EPC2: variants seen among roughly 807,000 people sequenced by gnomAD.
EPC2 encodes enhancer of polycomb homolog 2.
In EPC2, 14 loss-of-function variants were observed where a neutral mutation model predicts 92.1. The ratio of observed to expected loss-of-function variants is 0.15; its 90% CI spans 0.10 to 0.24. The LOEUF (loss-of-function observed/expected upper bound fraction) is 0.24, where lower values mean the gene tolerates loss of function less well. EPC2 is among the 10% of genes least tolerant of loss of function. The pLI, the probability that EPC2 is intolerant of heterozygous loss-of-function variation, is 1.00. For synonymous variants in EPC2, 340 were observed against 334.7 expected (o/e 1.02, Z -0.17); for missense variants, 755 against 971.5 (o/e 0.78, Z 2.96).
chr2:148,727,625 AG>A (rs1248947140), intron 2 of EPC2, among the ~76,000 whole-genome samples: 3 of 152,166 alleles, frequency 2.0e-5, no homozygotes, highest in Non-Finnish European at 4.4e-5. Flanking sequence ...GGTTAAGCTA[AG>A]GTATTGCCTG....
At position 148,743,213 on chromosome 2, in the gene EPC2, A is replaced by G. The variant is rs148317949; in HGVS notation, c.314-409A>G. On this transcript the variant is annotated intron_variant, in intron 2 of 13. Coordinates refer to ENST00000258484, the MANE Select transcript of EPC2 (RefSeq NM_015630.4). ...GTTATGCCAACACTCTTTTTTTTTC[A>G]TTAGATACCTGTTTTATCCTCAGTA... 7.2e-3 allele frequency among the ~76,000 whole-genome samples: 1,089 copies of G among 151,516 alleles called. 6 individuals carry two copies. The highest frequency in any genetic ancestry group is 0.025 in the African/African-American group (1,023 of 41,312).
chr2:148,710,304 A>G (rs945711332), intron 2 of EPC2, among the ~76,000 whole-genome samples: 1 of 152,258 alleles, frequency 6.6e-6, no homozygotes, highest in Non-Finnish European at 1.5e-5. Flanking sequence ...ATGAGATGCC[A>G]TCTCACACCA....
At chr2:148,710,225 G>A (rs969124122) in intron 2 of EPC2, among the ~76,000 whole-genome samples, 1 of 152,240 alleles carries the variant, frequency 6.6e-6, no homozygotes, top group Non-Finnish European at 1.5e-5. Context: ...AGATATTTAT[G>A]CAGCCAACAG....
chr2:148,765,000 C>G lies in EPC2; in HGVS notation c.994C>G (p.Arg332Gly). 1 of 1,601,316 alleles carries G rather than the reference C, an allele frequency of 6.2e-7. No individual in the cohort carries two copies. Among genetic ancestry groups the G allele is most frequent in the Non-Finnish European group, 8.5e-7 (1 of 1,173,502 alleles). ...SLKEEASDVVRQKKKYPKKPK... is the reference protein window; with the variant it reads ...SLKEEASDVVGQKKKYPKKPK... ...GAAAGAAGAGGCTTCTGATGTGGTT[C>G]GTCAAAAGAAGAAGTACCCAAAGAA... Residue 332 changes from arginine to glycine, a missense_variant, in exon 7 of 14, where the codon CGT becomes GGT. Physicochemically the swap from Arg to Gly is moderately radical, Grantham distance 125. Coordinates refer to ENST00000258484, the MANE Select transcript of EPC2 (RefSeq NM_015630.4).
chr2:148,715,730 T>C (rs1417105405), intron 2 of EPC2, among the ~76,000 whole-genome samples: 2 of 152,222 alleles, frequency 1.3e-5, no homozygotes, highest in African/African-American at 2.4e-5. Flanking sequence ...CCATATGAAT[T>C]TTAAAATAGT....
chr2:148,683,521 C>T (rs1245046686), intron 1 of EPC2, among the ~76,000 whole-genome samples: 1 of 152,100 alleles, frequency 6.6e-6, no homozygotes, highest in Non-Finnish European at 1.5e-5. Context: ...CCACCTCGGC[C>T]TCCCAAAATA....
At chr2:148,652,647 C>G (rs1321847831) in intron 1 of EPC2, among the ~76,000 whole-genome samples, 1 of 151,996 alleles carries the variant, frequency 6.6e-6, no homozygotes, top group African/African-American at 2.4e-5. Context: ...GGCATATTGT[C>G]CAGGATTATA....
intron 8 of EPC2, among the ~76,000 whole-genome samples, chr2:148,770,488 C>T (rs903081841): frequency 1.8e-4 from 27 of 152,266 alleles, no homozygotes; most frequent in African/African-American, 5.1e-4. Flanking sequence ...CTACTTTGTA[C>T]ACAAATGTTA....
At position 148,784,890 on chromosome 2, in the gene EPC2, A is replaced by G. The variant is rs374098994; in HGVS notation, c.2240A>G (p.Asn747Ser). The G allele has an allele frequency of 8.1e-6, 13 of 1,608,966 alleles. No individual in the cohort carries two copies. The highest frequency in any genetic ancestry group is 1.3e-5 in the African/African-American group (1 of 74,860). The part of the protein sequence containing the change: ...SVVSPVNVHI[N>S]TRTSAPSPTA... ...GTTTCTCCAGTCAATGTGCATATCAATACACGGACTTCAGCACCATCGCCA... is the reference window on the plus strand; with the variant it reads ...GTTTCTCCAGTCAATGTGCATATCAGTACACGGACTTCAGCACCATCGCCA... The change falls in exon 13 of 14, where the codon AAT becomes AGT. Residue 747 changes from asparagine to serine, a missense_variant. Transcript: ENST00000258484.
At chr2:148,752,703 A>G (rs567266155) in intron 3 of EPC2, among the ~76,000 whole-genome samples, 10 of 152,290 alleles carry the variant, frequency 6.6e-5, no homozygotes, top group African/African-American at 1.7e-4. Context: ...ACAAATTACA[A>G]TAAGAAACCG....
chr2:148,781,632 G>A lies in EPC2; in HGVS notation c.1721-12G>A, dbSNP rs370815726. On this transcript the variant is annotated splice_polypyrimidine_tract_variant and intron_variant, in intron 10 of 13. Coordinates refer to ENST00000258484, the MANE Select transcript of EPC2 (RefSeq NM_015630.4). ...AAACGTACTCATTTCCAAAATTCAT[G>A]TTCTTTACCAGTAACAGGGGGTATC... The A allele has an allele frequency of 3.1e-6, 5 of 1,604,184 alleles. No individual in the cohort carries two copies. Among genetic ancestry groups the A allele is most frequent in the Non-Finnish European group, 3.4e-6 (4 of 1,175,750 alleles).
At chr2:148,765,685 G>A (rs552074038) in intron 7 of EPC2, among the ~76,000 whole-genome samples, 1 of 152,246 alleles carries the variant, frequency 6.6e-6, no homozygotes, top group African/African-American at 2.4e-5. Context: ...AGAAAAATGT[G>A]TGCAATTAAA....
chr2:148,655,137 G>A (rs1680764572), intron 1 of EPC2, among the ~76,000 whole-genome samples: 1 of 152,146 alleles, frequency 6.6e-6, no homozygotes, highest in East Asian at 1.9e-4. Flanking sequence ...TTTGTAGTTG[G>A]TTGTATGAGA....
Position 148,691,468 on chromosome 2 carries a change from C to G in EPC2, c.313+1095C>G, listed in dbSNP as rs1027687492. ...AGTTCCCTGTGTGATTCTGAAACATCACCAGCTTTAAGACTGACTATAAGA... is the reference window on the plus strand; with the variant it reads ...AGTTCCCTGTGTGATTCTGAAACATGACCAGCTTTAAGACTGACTATAAGA... On this transcript the variant is annotated intron_variant, in intron 2 of 13. Transcript: ENST00000258484. 13 of 1,512,950 alleles carry G rather than the reference C, an allele frequency of 8.6e-6. No homozygotes were observed. The African/African-American group carries it at 1.8e-4, about 21-fold the overall frequency. The allele number at this position is 1,512,950 out of a possible 1,614,324, so 93.7% of individuals were successfully genotyped here.
Position 148,733,479 on chromosome 2 carries a change from A to ATTTTTTTTTTTTTTTTTTTTTTTTTTT in EPC2, c.314-10133_314-10107dup, listed in dbSNP as rs34219179. On this transcript the variant is annotated intron_variant, in intron 2 of 13. Coordinates refer to ENST00000258484, the MANE Select transcript of EPC2 (RefSeq NM_015630.4). ...CTTTCTCTTTTCTTTCTCTCTCTGG[A>ATTTTTTTTTTTTTTTTTTTTTTTTTTT]TTTTTTTTTTTTTTTTTTTTTTTTT... 7.5e-5 allele frequency among the ~76,000 whole-genome samples: 2 copies of ATTTTTTTTTTTTTTTTTTTTTTTTTTT among 26,680 alleles called. 1 individual carries two copies. The highest frequency in any genetic ancestry group is 1.4e-4 in the Non-Finnish European group (2 of 13,940). 17.5% of individuals were successfully genotyped at this position (26,680 alleles called of 152,430 possible).
intron 11 of EPC2, among the ~76,000 whole-genome samples, chr2:148,782,791 A>C (rs917482343): frequency 3.9e-5 from 6 of 152,198 alleles, no homozygotes; most frequent in African/African-American, 1.4e-4. Flanking sequence ...AAACTAAGAA[A>C]TCTATTTCAA....
At chr2:148,754,469 A>G (rs577247994) in intron 4 of EPC2, among the ~76,000 whole-genome samples, 1 of 152,172 alleles carries the variant, frequency 6.6e-6, no homozygotes, top group Non-Finnish European at 1.5e-5. Flanking sequence ...GCACCTTGGA[A>G]GTTTTGATCT....
intron 1 of EPC2, among the ~76,000 whole-genome samples, chr2:148,663,193 T>TTTATTATTA (rs1559140910): frequency 1.9e-4 from 19 of 98,636 alleles, no homozygotes; most frequent in Non-Finnish European, 3.5e-4. Context: ...ACTGTGTTTT[T>TTTATTATTA]GTATTATTAT....
At chr2:148,700,484 C>G (rs1285059227) in intron 2 of EPC2, among the ~76,000 whole-genome samples, 2 of 134,038 alleles carry the variant, frequency 1.5e-5, no homozygotes, top group East Asian at 2.7e-4. Flanking sequence ...AGACTCCCCC[C>G]CTCCCCCCCG....
Sources: gnomAD v4.1 joint callset for allele counts (sites outside exome capture counted in the v4.1 genomes callset) on GRCh38, gnomAD v4.1.1 for gene constraint, MANE v1.5 for transcripts, NCBI Gene and HGNC (gene_info 2026-07-23, HGNC 2026-07-21) for gene names.